Variants in PTCHD4 observed in about 807,000 individuals in gnomAD.
PTCHD4 encodes patched domain-containing protein 4.
A neutral mutation model predicts 58.1 loss-of-function variants in PTCHD4; 33 were observed. The ratio of observed to expected loss-of-function variants is 0.57; its 90% CI spans 0.43 to 0.76. The LOEUF is 0.76. PTCHD4 is among the 30% of genes least tolerant of loss of function. PTCHD4 has a pLI of 0.00. For synonymous variants in PTCHD4, 478 were observed against 409.6 expected (o/e 1.17, Z -2.02); for missense variants, 1,058 against 1,027.1 (o/e 1.03, Z -0.41).
At chr6:47,881,375 C>A (rs538200693) in intron 4 of PTCHD4, among the ~76,000 whole-genome samples, 6 of 152,230 alleles carry the variant, frequency 3.9e-5, no homozygotes, top group Admixed American at 2.6e-4. Context: ...TAGTTTTCAA[C>A]TAGAGGTGTT....
intron 3 of PTCHD4, among the ~76,000 whole-genome samples, chr6:48,035,461 A>T (rs1763599017): frequency 6.6e-6 from 1 of 151,826 alleles, no homozygotes; most frequent in Non-Finnish European, 1.5e-5. Context: ...AAATTATATT[A>T]AAAAATTATG....
rs545072457 is a variant in PTCHD4 at position 48,107,239 on chromosome 6, G to A, written c.-970+3810C>T. On this transcript the variant is annotated intron_variant, in intron 1 of 4. Transcript: ENST00000339488. ...CAGTAACCAAAACAGCATGGTACTC[G>A]TACCAAAACAGAGATATAGACCAAT... Among the ~76,000 whole-genome samples the A allele has an allele frequency of 1.6e-3, 249 of 152,202 alleles. 1 individual carries two copies. Among genetic ancestry groups the A allele is most frequent in the African/African-American group, 5.7e-3 (238 of 41,516 alleles).
Position 47,862,861 on chromosome 6 carries a change from TG to T in PTCHD4, c.*15441del, listed in dbSNP as rs1024200310. On this transcript the variant is annotated 3_prime_UTR_variant, in exon 5 of 5. Transcript: ENST00000339488. ...CATGACATTATCAATGTTTGCTTCC[TG>T]GAACACTAGTTCTTTAAGATGCTCC... Among the ~76,000 whole-genome samples the T allele has an allele frequency of 2.9e-4, 44 of 151,932 alleles. No homozygotes were observed. The highest frequency in any genetic ancestry group is 1.0e-3 in the African/African-American group (43 of 41,434).
At chr6:47,901,572 GA>G in intron 4 of PTCHD4, 1 of 1,043,300 alleles carries the variant, frequency 9.6e-7, no homozygotes, top group Non-Finnish European at 1.2e-6. Flanking sequence ...GCTTCCATAT[GA>G]TTTAAACCAA....
intron 4 of PTCHD4, among the ~76,000 whole-genome samples, chr6:47,914,404 G>T (rs913539598): frequency 6.6e-6 from 1 of 152,196 alleles, no homozygotes; most frequent in South Asian, 2.1e-4. Context: ...ATCCAACCCA[G>T]TGGAGGTGAG....
At chr6:47,943,201 G>C (rs1264351390) in intron 4 of PTCHD4, among the ~76,000 whole-genome samples, 1 of 152,176 alleles carries the variant, frequency 6.6e-6, no homozygotes, top group Middle Eastern at 3.4e-3. Flanking sequence ...GTAAATTTGA[G>C]AGTCATATAT....
rs1420291791 is a variant in PTCHD4 at position 48,068,965 on chromosome 6, G to T, written c.-8C>A. On this transcript the variant is annotated 5_prime_UTR_variant, in exon 2 of 5. Coordinates refer to ENST00000339488, the MANE Select transcript of PTCHD4 (RefSeq NM_001384253.1). This position sits in a 1 kb window ranked among gnomAD's most constrained non-coding sequence, Gnocchi z 4.2. The stretch of plus-strand genomic sequence containing the variant: ...CGCTGGCTCTCACCGCATGAGCAGC[G>T]TTCCCTCGGTCTAGCCCTTCATCTC... 6.6e-6 allele frequency among the ~76,000 whole-genome samples: 1 copy of T among 151,488 alleles called. No individual in the cohort carries two copies. The highest frequency in any genetic ancestry group is 6.6e-5 in the Admixed American group (1 of 15,246).
intron 4 of PTCHD4, among the ~76,000 whole-genome samples, chr6:47,940,321 A>G (rs1766165024): frequency 6.6e-6 from 1 of 151,342 alleles, no homozygotes; most frequent in African/African-American, 2.5e-5. Flanking sequence ...CATGCAGTAT[A>G]ATTAAGAAGA....
In PTCHD4 at chr6:48,068,263, G is replaced by T. The variant is rs1214114084; in HGVS notation, c.384C>A (p.Ile128=). The change falls in exon 3 of 5, where the codon ATC becomes ATA. Residue 128 remains isoleucine (I), a synonymous_variant. Coordinates refer to ENST00000339488, the MANE Select transcript of PTCHD4 (RefSeq NM_001384253.1). The surrounding 1 kb of genome is among the most constrained non-coding windows in gnomAD (Gnocchi z 4.2). ...CCAGCACGGCTCGGTGGGTCTGCAG[G>T]ATCCCCTCAGCCTGGAGCAAAATAT... ...GDNILLQAEG[I]LQTHRAVLEM... is the part of the protein sequence containing the mutation. 6.3e-7 allele frequency: 1 copy of T among 1,596,156 alleles called. No homozygotes were observed.
intron 4 of PTCHD4, among the ~76,000 whole-genome samples, chr6:47,934,401 A>C (rs993370716): frequency 6.6e-5 from 10 of 152,188 alleles, no homozygotes; most frequent in African/African-American, 2.4e-4. Context: ...ACTACGAAAA[A>C]GTCCTGCAGC....
At chr6:47,880,548 A>G (rs1399483839) in intron 4 of PTCHD4, among the ~76,000 whole-genome samples, 1 of 151,928 alleles carries the variant, frequency 6.6e-6, no homozygotes, top group Non-Finnish European at 1.5e-5. Context: ...AAAATCTGCC[A>G]CGTCACATAA....
intron 4 of PTCHD4, among the ~76,000 whole-genome samples, chr6:47,917,407 C>T (rs1581875183): frequency 6.6e-6 from 1 of 152,146 alleles, no homozygotes; most frequent in Admixed American, 6.5e-5. Context: ...GCATAATCAG[C>T]GAAATGGACA....
At chr6:47,907,931 G>A (rs1466565858) in intron 4 of PTCHD4, among the ~76,000 whole-genome samples, 3 of 152,140 alleles carry the variant, frequency 2.0e-5, no homozygotes, top group Non-Finnish European at 4.4e-5. Context: ...TAGAAGGGGA[G>A]GATTTTGGAG....
rs914606665 is a variant in PTCHD4, at chr6:47,861,346, T to C, written c.*16957A>G. ...TTTTATTTGTGTCTCAATTCTTGCC[T>C]GACTGTTTACTTACTAGTATTTATT... On this transcript the variant is annotated 3_prime_UTR_variant, in exon 5 of 5. Transcript: ENST00000339488. Among the ~76,000 whole-genome samples the C allele has an allele frequency of 1.1e-3, 72 of 67,072 alleles. No homozygotes were observed. The highest frequency in any genetic ancestry group is 1.9e-3 in the Non-Finnish European group (56 of 29,256). The allele number at this position is 67,072 out of a possible 152,430, so 44.0% of individuals were successfully genotyped here. A position where few individuals can be genotyped will look rare whatever the true frequency, so the allele number is the denominator to read the frequency against.
intron 4 of PTCHD4, among the ~76,000 whole-genome samples, chr6:47,905,412 C>T (rs1233390804): frequency 2.6e-5 from 4 of 152,076 alleles, no homozygotes; most frequent in African/African-American, 9.7e-5. Context: ...TTTAATTCAG[C>T]AAACATTTAT....
chr6:48,041,359 A>C (rs1228533948), intron 3 of PTCHD4, among the ~76,000 whole-genome samples: 1 of 152,064 alleles, frequency 6.6e-6, no homozygotes, highest in Non-Finnish European at 1.5e-5. Context: ...TCAGAAATCC[A>C]ACTCTAACCA....
chr6:47,980,604 C>T (rs1241936134), intron 4 of PTCHD4, among the ~76,000 whole-genome samples: 1 of 152,010 alleles, frequency 6.6e-6, no homozygotes, highest in Non-Finnish European at 1.5e-5. Flanking sequence ...AATGTTATCA[C>T]ATCCTTTTCT....
intron 4 of PTCHD4, among the ~76,000 whole-genome samples, chr6:47,996,737 C>T (rs1444201726): frequency 6.6e-6 from 1 of 152,178 alleles, no homozygotes; most frequent in Non-Finnish European, 1.5e-5. Flanking sequence ...GTGCATGAAG[C>T]TCCACGCAAA....
chr6:48,084,238 A>G lies in PTCHD4; in HGVS notation c.-969-14312T>C, dbSNP rs996546517. Among the ~76,000 whole-genome samples the G allele has an allele frequency of 2.0e-5, 3 of 152,318 alleles. No individual in the cohort carries two copies. In the South Asian group the frequency reaches 6.2e-4, roughly 32 times the overall value. On this transcript the variant is annotated intron_variant, in intron 1 of 4. Transcript: ENST00000339488. ...TTAATTGGATTTGTTTATATCTTAA[A>G]TAAAAGGAATCTCTGTATTCTACTG...
Sources: gnomAD v4.1 joint callset for allele counts (sites outside exome capture counted in the v4.1 genomes callset) on GRCh38, gnomAD v4.1.1 for gene constraint, Gnocchi (gnomAD v3.1) non-coding constraint, MANE v1.5 for transcripts, NCBI Gene and HGNC (gene_info 2026-07-23, HGNC 2026-07-21) for gene names.